ZC3H12B: variants seen among roughly 807,000 people sequenced by gnomAD.
The protein encoded by ZC3H12B is probable ribonuclease ZC3H12B.
A neutral mutation model predicts 43.9 loss-of-function variants in ZC3H12B; 7 were observed. The ratio of observed to expected loss-of-function variants is 0.16; its 90% CI spans 0.09 to 0.30. ZC3H12B has a LOEUF of 0.30. Among genes scored for constraint, ZC3H12B ranks in the 10% least tolerant of loss-of-function variants. ZC3H12B has a pLI of 1.00. For synonymous variants in ZC3H12B, 222 were observed against 241.7 expected (o/e 0.92, Z 0.76); for missense variants, 475 against 670.2 (o/e 0.71, Z 3.22).
At chrX:65,264,370 C>G in the ZC3H12B span, among the ~76,000 whole-genome samples, 2 of 111,736 alleles carry the variant, frequency 1.8e-5, no homozygotes, top group Admixed American at 9.5e-5. Context: ...ACAATTCATT[C>G]AGTCAATTTC....
At chrX:65,187,809 A>C in the ZC3H12B span, among the ~76,000 whole-genome samples, 1 of 110,899 alleles carries the variant, frequency 9.0e-6, no homozygotes, top group Non-Finnish European at 1.9e-5. Flanking sequence ...TTGTGTTATA[A>C]ACCATCTAAT....
chrX:65,449,319 G>GA (rs775045811), intron 3 of ZC3H12B, among the ~76,000 whole-genome samples: 1 of 110,668 alleles, frequency 9.0e-6, no homozygotes, highest in South Asian at 3.9e-4. Flanking sequence ...ACATGTTGAA[G>GA]AAAAAAAAGA....
At chrX:65,095,325 A>T in the ZC3H12B span, among the ~76,000 whole-genome samples, 1 of 111,851 alleles carries the variant, frequency 8.9e-6, no homozygotes, top group Admixed American at 9.5e-5. Context: ...ATGGTCTGGC[A>T]TGTAAAGAGC....
chrX:65,099,678 A>C, the ZC3H12B span, among the ~76,000 whole-genome samples: 1 of 111,441 alleles, frequency 9.0e-6, no homozygotes, highest in Admixed American at 9.5e-5. Flanking sequence ...AAACAATTTC[A>C]ACATCAACAA....
chrX:65,232,268 G>A, the ZC3H12B span, among the ~76,000 whole-genome samples: 1 of 110,294 alleles, frequency 9.1e-6, no homozygotes, highest in Non-Finnish European at 1.9e-5. Context: ...AAATAACGTA[G>A]GACAGGTGTG....
intron 3 of ZC3H12B, among the ~76,000 whole-genome samples, chrX:65,423,283 C>T (rs58936166): frequency 0.082 from 9,147 of 111,411 alleles, 1,030 homozygotes; most frequent in African/African-American, 0.29. Context: ...GGGTTGGTTC[C>T]AAGTCTTTGC....
the ZC3H12B span, among the ~76,000 whole-genome samples, chrX:65,268,764 C>T: frequency 1.8e-5 from 2 of 111,269 alleles, no homozygotes; most frequent in South Asian, 3.7e-4. Flanking sequence ...ATAATAAAGG[C>T]CATATATGAA....
the ZC3H12B span, among the ~76,000 whole-genome samples, chrX:65,088,437 C>T: frequency 9.0e-6 from 1 of 111,283 alleles, no homozygotes; most frequent in Non-Finnish European, 1.9e-5. Flanking sequence ...CATTCACTTG[C>T]CACTCACTCA....
the ZC3H12B span, among the ~76,000 whole-genome samples, chrX:65,267,132 A>G: frequency 9.1e-6 from 1 of 110,480 alleles, no homozygotes; most frequent in Non-Finnish European, 1.9e-5. Context: ...AAGCCTGCCT[A>G]AGTTTTGAAG....
the ZC3H12B span, among the ~76,000 whole-genome samples, chrX:65,291,388 A>C: frequency 0.14 from 15,918 of 111,947 alleles, 2,657 homozygotes; most frequent in African/African-American, 0.48. Flanking sequence ...AAGATGTGGA[A>C]ACTTTTAAAT....
At chrX:65,430,920 G>A (rs931364603) in intron 3 of ZC3H12B, among the ~76,000 whole-genome samples, 3 of 111,007 alleles carry the variant, frequency 2.7e-5, no homozygotes, top group Non-Finnish European at 5.7e-5. Context: ...GCAAGAATCA[G>A]GATATTTCAG....
chrX:65,329,145 A>G, the ZC3H12B span, among the ~76,000 whole-genome samples: 1 of 111,560 alleles, frequency 9.0e-6, no homozygotes, highest in East Asian at 2.8e-4. Context: ...CAATGGGTGA[A>G]CTAGTTTACA....
the ZC3H12B span, among the ~76,000 whole-genome samples, chrX:65,311,599 A>T: frequency 2.3e-3 from 253 of 111,930 alleles, 2 homozygotes; most frequent in African/African-American, 7.8e-3. Context: ...TTCCTCAAGG[A>T]TCTAGAACTA....
chrX:65,135,353 G>GTT, the ZC3H12B span, among the ~76,000 whole-genome samples: 11 of 104,291 alleles, frequency 1.1e-4, no homozygotes, highest in African/African-American at 2.8e-4. Context: ...CTAGGTTGTT[G>GTT]TTTTTTTTTT....
At chrX:65,404,197 G>C (rs189503456) in intron 3 of ZC3H12B, among the ~76,000 whole-genome samples, 32 of 111,520 alleles carry the variant, frequency 2.9e-4, no homozygotes, top group African/African-American at 1.0e-3. Context: ...GCAGGTGCAA[G>C]CCTCACAGTA....
At chrX:65,319,973 A>T in the ZC3H12B span, among the ~76,000 whole-genome samples, 4 of 111,523 alleles carry the variant, frequency 3.6e-5, no homozygotes, top group Non-Finnish European at 7.5e-5. Flanking sequence ...ATCATATTGA[A>T]TGGACAAAAG....
the ZC3H12B span, among the ~76,000 whole-genome samples, chrX:65,113,740 C>T: frequency 9.2e-6 from 1 of 108,740 alleles, no homozygotes; most frequent in Non-Finnish European, 1.9e-5. Flanking sequence ...GGAAAGACCT[C>T]CCACTAGCAA....
At chrX:65,050,394 T>A in the ZC3H12B span, among the ~76,000 whole-genome samples, 3 of 111,501 alleles carry the variant, frequency 2.7e-5, no homozygotes, top group Non-Finnish European at 3.8e-5. Context: ...TTTTCATTTT[T>A]TTTTCTTAGC....
chrX:65,460,604 G>T (rs1189140667), intron 3 of ZC3H12B, among the ~76,000 whole-genome samples: 1 of 111,897 alleles, frequency 8.9e-6, no homozygotes, highest in Non-Finnish European at 1.9e-5. Context: ...AACAAGAAAT[G>T]GGGAAAGGAT....
Sources: gnomAD v4.1 joint callset for allele counts (sites outside exome capture counted in the v4.1 genomes callset) on GRCh38, gnomAD v4.1.1 for gene constraint, MANE v1.5 for transcripts, NCBI Gene and HGNC (gene_info 2026-07-23, HGNC 2026-07-21) for gene names.